DCAF6: variants seen among roughly 807,000 people sequenced by gnomAD.
The protein encoded by DCAF6 is DDB1- and CUL4-associated factor 6.
In DCAF6, 54 loss-of-function variants were observed where a neutral mutation model predicts 125.1. The observed-to-expected ratio is 0.43, with a 90% CI of 0.35 to 0.54. The LOEUF (loss-of-function observed/expected upper bound fraction) is 0.54, where lower values mean the gene tolerates loss of function less well. DCAF6 is among the 20% of genes least tolerant of loss of function. The probability of loss-of-function intolerance (pLI) is 0.01; values close to 1 mark genes in which losing one functional copy is unlikely to be tolerated. For missense variants in DCAF6, 934 were observed against 1,161.7 expected, an observed-to-expected ratio of 0.80 and a Z score of 2.85; for synonymous variants, 371 against 390.4, an observed-to-expected ratio of 0.95 and a Z score of 0.58.
At chr1:167,977,693 C>G (rs1678462085) in intron 4 of DCAF6, among the ~76,000 whole-genome samples, 2 of 152,104 alleles carry the variant, frequency 1.3e-5, no homozygotes, top group Admixed American at 1.3e-4. Context: ...ATTATTCTCT[C>G]CATTTTTTTG....
intron 2 of DCAF6, among the ~76,000 whole-genome samples, chr1:167,961,347 A>T (rs1237387534): frequency 4.6e-5 from 7 of 152,032 alleles, no homozygotes; most frequent in Non-Finnish European, 1.5e-5. Context: ...GGTTCATGCC[A>T]TTCTTCTGCC....
intron 2 of DCAF6, among the ~76,000 whole-genome samples, chr1:167,961,564 A>AT (rs151160318): frequency 2.8e-3 from 420 of 152,066 alleles, no homozygotes; most frequent in African/African-American, 9.9e-3. Flanking sequence ...TTAAAATTTT[A>AT]TTTTCCATAT....
In DCAF6 at chr1:167,991,338, A is replaced by C. The variant is rs754841555; in HGVS notation, c.687A>C (p.Thr229=). The part of the protein sequence containing the change: ...YDRRMLGTRA[T]GNYAGRGTTG... Reference sequence around the variant, plus strand: ...GGCGAATGCTGGGCACAAGAGCTACAGGTAAGAAGATAATATTAGAGAAAA... The same window carrying C: ...GGCGAATGCTGGGCACAAGAGCTACCGGTAAGAAGATAATATTAGAGAAAA... Residue 229 remains threonine (T), a splice_region_variant and synonymous_variant, in exon 6 of 22, where the codon ACA becomes ACC. Coordinates refer to ENST00000367840, the MANE Select transcript of DCAF6 (RefSeq NM_001198956.2). 3 of 1,605,542 alleles carry C rather than the reference A, an allele frequency of 1.9e-6. No individual in the cohort carries two copies. In the African/African-American group the frequency reaches 4.0e-5, roughly 22 times the overall value.
At chr1:168,041,516 A>C (rs1688526353) in intron 13 of DCAF6, among the ~76,000 whole-genome samples, 1 of 151,994 alleles carries the variant, frequency 6.6e-6, no homozygotes, top group African/African-American at 2.4e-5. Flanking sequence ...TAGTATCAAA[A>C]ACTGTATATT....
chr1:167,973,739 A>G (rs1047991306), intron 3 of DCAF6, among the ~76,000 whole-genome samples: 1 of 149,328 alleles, frequency 6.7e-6, no homozygotes, highest in Non-Finnish European at 1.5e-5. Context: ...AAAAAGCACA[A>G]CAGATATTCC....
intron 1 of DCAF6, among the ~76,000 whole-genome samples, chr1:167,939,292 G>C (rs549856743): frequency 1.3e-5 from 2 of 151,956 alleles, no homozygotes; most frequent in African/African-American, 4.8e-5. Context: ...GGGTATAATT[G>C]ACAATTAAAA....
In DCAF6 at chr1:168,044,666, A is replaced by G. The variant is rs997527377; in HGVS notation, c.1925A>G (p.Asn642Ser). Residue 642 changes from asparagine (N) to serine (S), a missense_variant, in exon 15 of 22, where the codon AAT becomes AGT. Transcript: ENST00000367840. ...SAENPVENHINITQSDKFTAK... is the reference protein window; with the variant it reads ...SAENPVENHISITQSDKFTAK... ...GAAAACCCAGTTGAGAACCATATCAATATAAGTGAGTTGCTCCCTTTAGAT... is the reference window on the plus strand; with the variant it reads ...GAAAACCCAGTTGAGAACCATATCAGTATAAGTGAGTTGCTCCCTTTAGAT... The G allele has an allele frequency of 8.1e-6, 13 of 1,609,478 alleles. No individual in the cohort carries two copies. The highest frequency in any genetic ancestry group is 4.5e-5 in the East Asian group (2 of 44,836).
intron 17 of DCAF6, among the ~76,000 whole-genome samples, chr1:168,051,325 T>C (rs2101856061): frequency 6.6e-6 from 1 of 152,338 alleles, no homozygotes; most frequent in African/African-American, 2.4e-5. Flanking sequence ...CTCCTTTTCC[T>C]TGAGCTCAAT....
intron 12 of DCAF6, among the ~76,000 whole-genome samples, chr1:168,032,605 T>G (rs1171106990): frequency 1.3e-5 from 2 of 152,240 alleles, no homozygotes; most frequent in African/African-American, 4.8e-5. Context: ...ATTTCGACCT[T>G]ACTTTGGTTT....
upstream of DCAF6, chr1:167,936,366 T>C (rs1427287095): frequency 5.5e-6 from 1 of 180,762 alleles, no homozygotes; most frequent in African/African-American, 2.4e-5. Context: ...TGCCTAAAGA[T>C]GATGCCGCAC....
At chr1:167,953,460 C>A (rs1393730904) in intron 2 of DCAF6, among the ~76,000 whole-genome samples, 1 of 152,168 alleles carries the variant, frequency 6.6e-6, no homozygotes, top group African/African-American at 2.4e-5. Context: ...TTTTGCCCCC[C>A]TGCCTTGGCA....
intron 11 of DCAF6, among the ~76,000 whole-genome samples, chr1:168,018,511 C>T (rs868619989): frequency 4.6e-5 from 7 of 152,154 alleles, no homozygotes; most frequent in Non-Finnish European, 1.0e-4. Flanking sequence ...CCTGCTACCC[C>T]TAAAGCTCCT....
At chr1:168,027,430 G>C (rs1686482754) in intron 12 of DCAF6, among the ~76,000 whole-genome samples, 1 of 152,042 alleles carries the variant, frequency 6.6e-6, no homozygotes, top group African/African-American at 2.4e-5. Flanking sequence ...TTTTACCATG[G>C]AGAATGGAAA....
chr1:167,869,507 G>A, the DCAF6 span, among the ~76,000 whole-genome samples: 1 of 152,324 alleles, frequency 6.6e-6, no homozygotes, highest in East Asian at 1.9e-4. Flanking sequence ...ACTAAAGGCA[G>A]GTAGCCCGGC....
At position 168,063,659 on chromosome 1, in the gene DCAF6, G is replaced by A. The variant is rs770685290; in HGVS notation, c.2339G>A (p.Arg780Gln). 16 of 1,601,600 alleles carry A rather than the reference G, an allele frequency of 1.0e-5. No individual in the cohort carries two copies. In the Admixed American group the frequency reaches 1.9e-4, roughly 19 times the overall value. ...AVARIQEFFR[R>Q]RKERKEMEEL... ...GCCCGTATTCAGGAGTTCTTCAGACGGAGAAAAGAAAGGAAAGAAATGGAA... is the reference window on the plus strand; with the variant it reads ...GCCCGTATTCAGGAGTTCTTCAGACAGAGAAAAGAAAGGAAAGAAATGGAA... Residue 780 changes from arginine to glutamine, a missense_variant, in exon 18 of 22, where the codon CGG (arginine) becomes CAG (glutamine). Around this residue, in one of 5 missense-constraint regions of DCAF6, gnomAD observed 559 missense variants for 635.5 expected, o/e 0.88. Coordinates refer to ENST00000367840, the MANE Select transcript of DCAF6 (RefSeq NM_001198956.2).
intron 6 of DCAF6, 34 bp downstream of exon 6, chr1:167,991,373 G>T (rs1380668601): frequency 5.7e-6 from 9 of 1,568,972 alleles, no homozygotes; most frequent in Non-Finnish European, 7.8e-6. Context: ...ATATAGGACT[G>T]TCAGTTCAAA....
chr1:167,945,799 CT>C (rs780562598), intron 1 of DCAF6, among the ~76,000 whole-genome samples: 102 of 139,216 alleles, frequency 7.3e-4, no homozygotes, highest in Non-Finnish European at 6.9e-4. Flanking sequence ...CACACCCGGC[CT>C]TTTTTTTTTT....
chr1:168,028,003 TC>T lies in DCAF6; in HGVS notation c.1609+4958del, dbSNP rs202085958. On this transcript the variant is annotated intron_variant, in intron 12 of 21. Coordinates refer to ENST00000367840, the MANE Select transcript of DCAF6 (RefSeq NM_001198956.2). ...TATTATAAAATAATTTTCAGTGTTC[TC>T]CAAATTTGGAGTTGTGTGTAAACAC... Among the ~76,000 whole-genome samples, 86 of 152,274 alleles carry T rather than the reference TC, an allele frequency of 5.6e-4. 1 individual carries two copies. The East Asian group carries it at 0.014, about 24-fold the overall frequency.
intron 3 of DCAF6, 37 bp downstream of exon 3, chr1:167,966,758 A>G: frequency 8.0e-7 from 1 of 1,257,018 alleles, no homozygotes. Context: ...TTAATGAGAG[A>G]AAAAAAATCA....
Sources: allele counts gnomAD v4.1 joint callset (sites outside exome capture counted in the v4.1 genomes callset), GRCh38; gene constraint gnomAD v4.1.1; regional missense constraint gnomAD v4.1.1; transcripts MANE v1.5; gene names NCBI Gene and HGNC (gene_info 2026-07-23, HGNC 2026-07-21).